The following COMMD7 variants were observed in gnomAD, a reference collection of about 807,000 sequenced individuals.
COMMD7 encodes the protein COMM domain containing 7.
Under a neutral mutation model 34.8 loss-of-function variants are expected in COMMD7, and 28 were observed. That is an observed-to-expected ratio of 0.80 (90% CI 0.60 to 1.10). The LOEUF (loss-of-function observed/expected upper bound fraction) is 1.10, where lower values mean the gene tolerates loss of function less well. COMMD7 is among the 50% of genes least tolerant of loss of function. COMMD7 has a pLI of 0.00. For synonymous variants in COMMD7, 80 were observed against 86.4 expected, an observed-to-expected ratio of 0.93 and a Z score of 0.41; for missense variants, 211 against 241.6, an observed-to-expected ratio of 0.87 and a Z score of 0.84.
chr20:32,707,460 C>T (rs1436472493), intron 3 of COMMD7, among the ~76,000 whole-genome samples: 3 of 151,494 alleles, frequency 2.0e-5, no homozygotes, highest in Non-Finnish European at 2.9e-5. Flanking sequence ...GCTGGGACTA[C>T]AGGCGTGCGC....
rs372151115 is a variant in COMMD7 at position 32,709,807 on chromosome 20, C to T, written c.242-3047G>A. On this transcript the variant is annotated intron_variant, in intron 3 of 8. Transcript: ENST00000278980. ...GTTCTCTGCACATAGCTCATCCCTT[C>T]GCTTCATTCAGGGTTCTGCCTGACT... is the stretch of plus-strand genomic sequence containing the variant. 1.3e-4 allele frequency among the ~76,000 whole-genome samples: 20 copies of T among 152,234 alleles called. No homozygotes were observed. In the South Asian group the frequency reaches 4.1e-3, roughly 32 times the overall value.
At chr20:32,708,656 CTTTTTT>C (rs34027862) in intron 3 of COMMD7, among the ~76,000 whole-genome samples, 3 of 135,558 alleles carry the variant, frequency 2.2e-5, no homozygotes, top group Non-Finnish European at 3.1e-5. Flanking sequence ...ATTATTGTAA[CTTTTTT>C]TTTTTTTTTG....
rs1198380426 is a variant in COMMD7, at chr20:32,727,883, G to C, written c.241+10C>G. Reference sequence around the variant, plus strand: ...GTCTCTGGCCACAGCTGCTAAGAGAGGTTACTCACCATTTGGAACCAGAAG... The same window carrying C: ...GTCTCTGGCCACAGCTGCTAAGAGACGTTACTCACCATTTGGAACCAGAAG... On this transcript the variant is annotated intron_variant, in intron 3 of 8. Transcript: ENST00000278980. 6.3e-7 allele frequency: 1 copy of C among 1,589,314 alleles called. No individual in the cohort carries two copies. Among genetic ancestry groups the C allele is most frequent in the Admixed American group, 1.7e-5 (1 of 59,924 alleles).
rs1024053374 is a variant in COMMD7 at position 32,704,059 on chromosome 20, C to T, written c.490G>A (p.Val164Ile). The change falls in exon 8 of 9, where the codon GTT becomes ATT. Residue 164 changes from valine to isoleucine, a missense_variant. Val to Ile is a conservative substitution (Grantham distance 29). Coordinates refer to ENST00000278980, the MANE Select transcript of COMMD7 (RefSeq NM_053041.3). ...GSIFLQLKLV[V>I]KKGNQTENVY... Reference sequence around the variant, plus strand: ...TTTTCGGTTTGATTTCCTTTCTTAACCACCAACTTTAGCTGATGAAAGAAA... The same window carrying T: ...TTTTCGGTTTGATTTCCTTTCTTAATCACCAACTTTAGCTGATGAAAGAAA... 7.5e-6 allele frequency: 12 copies of T among 1,606,058 alleles called. No individual in the cohort carries two copies. Among genetic ancestry groups the T allele is most frequent in the African/African-American group, 6.7e-5 (5 of 74,614 alleles).
chr20:32,727,810 G>A (rs1985601770), intron 3 of COMMD7, 83 bp downstream of exon 3: 7 of 1,179,332 alleles, frequency 5.9e-6, no homozygotes, highest in Admixed American at 1.7e-5. Flanking sequence ...CTTGGCCCAC[G>A]GAGCATGCTT....
intron 1 of COMMD7, among the ~76,000 whole-genome samples, chr20:32,741,213 A>G (rs908439244): frequency 6.6e-6 from 1 of 150,838 alleles, no homozygotes; most frequent in Non-Finnish European, 1.5e-5. Flanking sequence ...AAAAAAAAAA[A>G]TTTTTTTTTA....
intron 3 of COMMD7, among the ~76,000 whole-genome samples, chr20:32,712,203 G>A (rs550922635): frequency 2.7e-5 from 4 of 148,168 alleles, no homozygotes; most frequent in Non-Finnish European, 5.9e-5. Context: ...CCGGGAGGCA[G>A]AGGTTGCAGT....
intron 1 of COMMD7, chr20:32,742,673 C>T (rs925371610): frequency 6.6e-6 from 1 of 152,392 alleles, no homozygotes; most frequent in African/African-American, 2.4e-5. Context: ...AGTGACTCTC[C>T]TTAACTGGGT....
chr20:32,736,689 C>A (rs961754589), intron 1 of COMMD7, among the ~76,000 whole-genome samples: 2 of 151,484 alleles, frequency 1.3e-5, no homozygotes, highest in Admixed American at 6.6e-5. Context: ...AACAAACAAA[C>A]AACAACAACA....
At chr20:32,710,014 G>C (rs1984342057) in intron 3 of COMMD7, among the ~76,000 whole-genome samples, 1 of 151,652 alleles carries the variant, frequency 6.6e-6, no homozygotes, top group Non-Finnish European at 1.5e-5. Context: ...AAGTAGCTGG[G>C]ACTACAGGCA....
chr20:32,704,782 C>T (rs1264307043), intron 6 of COMMD7, 32 bp downstream of exon 6: 1 of 1,531,590 alleles, frequency 6.5e-7, no homozygotes, highest in South Asian at 1.1e-5. Context: ...CTGTACCACC[C>T]AAATAACCCA....
chr20:32,721,443 C>T (rs1198144622), intron 3 of COMMD7, among the ~76,000 whole-genome samples: 3 of 151,898 alleles, frequency 2.0e-5, no homozygotes, highest in African/African-American at 7.3e-5. Flanking sequence ...AACCCCATCT[C>T]TACTAAAAGT....
At chr20:32,725,591 G>C (rs998268818) in intron 3 of COMMD7, among the ~76,000 whole-genome samples, 4 of 151,944 alleles carry the variant, frequency 2.6e-5, no homozygotes, top group African/African-American at 9.7e-5. Flanking sequence ...ACCACACCCG[G>C]CTAATTTTTT....
At chr20:32,735,547 C>T (rs1409231629) in intron 1 of COMMD7, among the ~76,000 whole-genome samples, 2 of 152,098 alleles carry the variant, frequency 1.3e-5, no homozygotes, top group African/African-American at 4.8e-5. Context: ...AGACTGCTGG[C>T]CTGAAGTGAT....
chr20:32,718,998 C>T (rs752225647), intron 3 of COMMD7, among the ~76,000 whole-genome samples: 26 of 152,166 alleles, frequency 1.7e-4, no homozygotes, highest in Non-Finnish European at 5.9e-5. Context: ...AAGGCCACTT[C>T]AGCTCTAACA....
At chr20:32,715,534 G>A (rs755520286) in intron 3 of COMMD7, among the ~76,000 whole-genome samples, 33 of 150,558 alleles carry the variant, frequency 2.2e-4, no homozygotes, top group Admixed American at 5.3e-4. Flanking sequence ...GCGGCCAGGC[G>A]TGATGGCTCA....
At chr20:32,714,859 A>G (rs1187492711) in intron 3 of COMMD7, among the ~76,000 whole-genome samples, 5 of 149,904 alleles carry the variant, frequency 3.3e-5, no homozygotes, top group Non-Finnish European at 5.9e-5. Context: ...AACAACAAAA[A>G]TTAGCCAGGT....
At chr20:32,728,183 T>C in intron 1 of COMMD7, 41 bp from the exon 2 acceptor site, 1 of 1,605,898 alleles carries the variant, frequency 6.2e-7, no homozygotes, top group African/African-American at 1.3e-5. Flanking sequence ...CAATTTCTAC[T>C]ACTGGGTCAG....
Position 32,733,871 on chromosome 20 carries a change from A to T in COMMD7, c.85-5729T>A, listed in dbSNP as rs1313215845. Among the ~76,000 whole-genome samples, 3 of 140,682 alleles carry T rather than the reference A, an allele frequency of 2.1e-5. No individual in the cohort carries two copies. The Admixed American group carries it at 2.1e-4, about 10-fold the overall frequency. 92.3% of individuals were successfully genotyped at this position (140,682 alleles called of 152,430 possible). A position where few individuals can be genotyped will look rare whatever the true frequency, so the allele number is the denominator to read the frequency against. On this transcript the variant is annotated intron_variant, in intron 1 of 8. Transcript: ENST00000278980. ...TTGCACTCCAGCCTGGGCGGAGTGG[A>T]ACTCCTTCTCAAAAAAAAAAAAGAA...
Sources: gnomAD v4.1 joint callset for allele counts (sites outside exome capture counted in the v4.1 genomes callset) on GRCh38, gnomAD v4.1.1 for gene constraint, MANE v1.5 for transcripts, NCBI Gene and HGNC (gene_info 2026-07-23, HGNC 2026-07-21) for gene names.